The following USP34 variants were observed in gnomAD, a reference collection of about 807,000 sequenced individuals.
USP34 encodes ubiquitin carboxyl-terminal hydrolase 34.
Under a neutral mutation model 460.3 loss-of-function variants are expected in USP34, and 70 were observed. The observed-to-expected ratio is 0.15, with a 90% CI of 0.13 to 0.19. The LOEUF (loss-of-function observed/expected upper bound fraction) is 0.19, where lower values mean the gene tolerates loss of function less well. USP34 is among the 10% of genes least tolerant of loss of function. The probability of loss-of-function intolerance (pLI) is 1.00; values close to 1 mark genes in which losing one functional copy is unlikely to be tolerated. For missense variants in USP34, 3,985 were observed against 4,236.2 expected (o/e 0.94, Z 1.65); for synonymous variants, 1,647 against 1,405.3 (o/e 1.17, Z -3.85).
Position 61,288,704 on chromosome 2 carries a change from C to G in USP34, c.4722G>C (p.Lys1574Asn). The G allele has an allele frequency of 6.2e-7, 1 of 1,613,942 alleles. No individual in the cohort carries two copies. The highest frequency in any genetic ancestry group is 8.5e-7 in the Non-Finnish European group (1 of 1,179,920). Residue 1574 changes from lysine to asparagine, a missense_variant, in exon 34 of 80, where the codon AAG becomes AAC. Lys to Asn is a moderately conservative substitution (Grantham distance 94). Coordinates refer to ENST00000398571, the MANE Select transcript of USP34 (RefSeq NM_014709.4). Reference protein sequence around the residue: ...KSRKAAGDHAKGLHIPRLTEV... With the variant: ...KSRKAAGDHANGLHIPRLTEV... ...CTGTTAATCGTGGTATATGAAGACCCTTAGCATGATCACCAGCAGCCTTCC... is the reference window on the plus strand; with the variant it reads ...CTGTTAATCGTGGTATATGAAGACCGTTAGCATGATCACCAGCAGCCTTCC...
chr2:61,264,497 C>T (rs1170842261), intron 43 of USP34, among the ~76,000 whole-genome samples: 1 of 151,916 alleles, frequency 6.6e-6, no homozygotes, highest in African/African-American at 2.4e-5. Flanking sequence ...AAAACTCCGC[C>T]AGGCATGGTG....
intron 19 of USP34, 21 bp downstream of exon 19, chr2:61,333,859 ACT>A (rs773088295): frequency 4.9e-6 from 7 of 1,440,602 alleles, no homozygotes; most frequent in South Asian, 4.3e-5. Flanking sequence ...TAAAATAAAT[ACT>A]TTTTTCTTTT....
chr2:61,444,614 A>G (rs947842789), intron 1 of USP34, among the ~76,000 whole-genome samples: 4 of 152,202 alleles, frequency 2.6e-5, no homozygotes, highest in African/African-American at 9.6e-5. Flanking sequence ...GTCATAGTTA[A>G]CTACTGAAGA....
At chr2:61,417,747 T>G (rs1022867069) in intron 2 of USP34, among the ~76,000 whole-genome samples, 6 of 143,584 alleles carry the variant, frequency 4.2e-5, no homozygotes, top group African/African-American at 1.5e-4. Context: ...TTCTTTTCTT[T>G]TTTTTTTTTT....
At chr2:61,328,235 G>A (rs943469094) in intron 20 of USP34, among the ~76,000 whole-genome samples, 2 of 150,686 alleles carry the variant, frequency 1.3e-5, no homozygotes, top group African/African-American at 4.9e-5. Context: ...CCAGGAGGTG[G>A]AGGTTACAGT....
Position 61,236,053 on chromosome 2 carries a change from T to C in USP34, c.6939A>G (p.Leu2313=), listed in dbSNP as rs1275280932. The C allele has an allele frequency of 1.2e-6, 2 of 1,607,556 alleles. No homozygotes were observed. The highest frequency in any genetic ancestry group is 8.5e-7 in the Non-Finnish European group (1 of 1,178,428). Residue 2313 remains leucine, a synonymous_variant, in exon 56 of 80, where the codon CTA becomes CTG. Coordinates refer to ENST00000398571, the MANE Select transcript of USP34 (RefSeq NM_014709.4). ...TTTCTTTAGAATGAATAAATGTCTCTAGGACAAAGGAAGTGCTTAACTGTA... is the reference window on the plus strand; with the variant it reads ...TTTCTTTAGAATGAATAAATGTCTCCAGGACAAAGGAAGTGCTTAACTGTA... ...MTAKLSTSFV[L]ETFIHSKEKP... is the part of the protein sequence containing the mutation.
At chr2:61,256,267 T>C (rs778934362) in intron 48 of USP34, 117 bp downstream of exon 48, 25 of 889,990 alleles carry the variant, frequency 2.8e-5, no homozygotes, top group Non-Finnish European at 3.9e-5. Context: ...CTGAGCTCCA[T>C]GCAGCTGATT....
At chr2:61,333,588 C>G (rs1018971912) in intron 19 of USP34, among the ~76,000 whole-genome samples, 4 of 152,068 alleles carry the variant, frequency 2.6e-5, no homozygotes, top group East Asian at 1.9e-4. Flanking sequence ...TAGTGTGGCT[C>G]TTCTTCAAAA....
chr2:61,236,193 C>T lies in USP34; in HGVS notation c.6886G>A (p.Asp2296Asn). Residue 2296 changes from aspartate (D) to asparagine (N), a missense_variant, in exon 55 of 80, where the codon GAT becomes AAT. Physicochemically the swap from Asp to Asn is conservative, Grantham distance 23 (BLOSUM62 1). Around this residue, in one of 14 missense-constraint regions of USP34, gnomAD observed 604 missense variants for 684.8 expected, o/e 0.88. Coordinates refer to ENST00000398571, the MANE Select transcript of USP34 (RefSeq NM_014709.4). ...LCSCIPSTLP[D>N]PKAVSLMTAK... Reference sequence around the variant, plus strand: ...GTCATTAAGGACACAGCTTTAGGATCTGGTAATGTACTGGGAATACAACTA... The same window carrying T: ...GTCATTAAGGACACAGCTTTAGGATTTGGTAATGTACTGGGAATACAACTA... 6.2e-7 allele frequency: 1 copy of T among 1,612,002 alleles called. No homozygotes were observed. The highest frequency in any genetic ancestry group is 8.5e-7 in the Non-Finnish European group (1 of 1,179,296).
chr2:61,425,899 G>C (rs896796361), intron 1 of USP34, among the ~76,000 whole-genome samples: 1 of 151,902 alleles, frequency 6.6e-6, no homozygotes, highest in African/African-American at 2.4e-5. Flanking sequence ...AGAGAAGGAA[G>C]AGTGGGGGGG....
At chr2:61,290,503 G>A (rs756273902) in intron 33 of USP34, among the ~76,000 whole-genome samples, 11 of 152,076 alleles carry the variant, frequency 7.2e-5, no homozygotes, top group Non-Finnish European at 1.5e-4. Context: ...ACTCAGCGAT[G>A]AAAAACATTT....
chr2:61,370,232 A>T, intron 10 of USP34, 89 bp downstream of exon 10: 1 of 1,369,570 alleles, frequency 7.3e-7, no homozygotes, highest in Non-Finnish European at 1.0e-6. Context: ...CCTTAGCTAT[A>T]AAACAGGATA....
chr2:61,425,811 A>G (rs1473642418), intron 1 of USP34, among the ~76,000 whole-genome samples: 3 of 151,968 alleles, frequency 2.0e-5, no homozygotes, highest in Admixed American at 6.6e-5. Flanking sequence ...CAGCCAATGG[A>G]GTGCTGGCAT....
At chr2:61,279,975 A>G (rs1185507967) in intron 39 of USP34, among the ~76,000 whole-genome samples, 2 of 152,256 alleles carry the variant, frequency 1.3e-5, no homozygotes, top group Non-Finnish European at 2.9e-5. Flanking sequence ...CCCTTTCCAA[A>G]TAAGATGTTA....
chr2:61,207,523 A>T (rs1572835732), intron 70 of USP34: 1 of 152,530 alleles, frequency 6.6e-6, no homozygotes, highest in East Asian at 1.9e-4. Context: ...CAGAACCTGC[A>T]GCAGTACCTA....
chr2:61,272,503 C>T (rs1437504113), intron 41 of USP34, among the ~76,000 whole-genome samples: 2 of 151,974 alleles, frequency 1.3e-5, no homozygotes, highest in African/African-American at 4.8e-5. Flanking sequence ...GTGAGCTCTA[C>T]CTTCAATAAA....
intron 8 of USP34, among the ~76,000 whole-genome samples, chr2:61,374,917 T>C (rs1692745252): frequency 6.6e-6 from 1 of 152,050 alleles, no homozygotes; most frequent in Non-Finnish European, 1.5e-5. Context: ...GCAACAAGAA[T>C]ATAGGAAACA....
At chr2:61,465,699 T>A (rs1695740514) in intron 1 of USP34, among the ~76,000 whole-genome samples, 1 of 152,088 alleles carries the variant, frequency 6.6e-6, no homozygotes. Context: ...AAAACACGGC[T>A]AGGCACGGTG....
chr2:61,415,580 A>G (rs1242442108), intron 2 of USP34, among the ~76,000 whole-genome samples: 2 of 152,220 alleles, frequency 1.3e-5, no homozygotes, highest in Non-Finnish European at 2.9e-5. Context: ...ATATAAGAAG[A>G]GTGTTTCAGA....
Sources: gnomAD v4.1 joint callset for allele counts (sites outside exome capture counted in the v4.1 genomes callset) on GRCh38, gnomAD v4.1.1 for gene constraint, gnomAD v4.1.1 regional missense constraint, MANE v1.5 for transcripts, NCBI Gene and HGNC (gene_info 2026-07-23, HGNC 2026-07-21) for gene names.